PLCB4: variants seen among roughly 807,000 people sequenced by gnomAD.
PLCB4 encodes the protein phospholipase C beta 4, also known as 1-phosphatidylinositol 4,5-bisphosphate phosphodiesterase beta-4.
A neutral mutation model predicts 178.8 loss-of-function variants in PLCB4; 77 were observed. The observed-to-expected ratio is 0.43, with a 90% CI of 0.36 to 0.52. The LOEUF is 0.52. Ranked by LOEUF, PLCB4 falls within the 20% of genes least tolerant of loss-of-function variation. The probability of loss-of-function intolerance (pLI) is 0.00; values close to 1 mark genes in which losing one functional copy is unlikely to be tolerated. For missense variants in PLCB4, 1,024 were observed against 1,453.4 expected (o/e 0.70, Z 4.80); for synonymous variants, 496 against 490.8 (o/e 1.01, Z -0.14).
chr20:9,475,429 T>C (rs75088528), intron 38 of PLCB4, among the ~76,000 whole-genome samples: 1 of 152,164 alleles, frequency 6.6e-6, no homozygotes, highest in Non-Finnish European at 1.5e-5. Flanking sequence ...CTGTATTGAT[T>C]AGATTGTATT....
intron 2 of PLCB4, among the ~76,000 whole-genome samples, chr20:9,177,150 G>A (rs1008037919): frequency 2.0e-5 from 3 of 152,060 alleles, no homozygotes; most frequent in Admixed American, 2.0e-4. Flanking sequence ...TTATACACAG[G>A]TCATTGTGAC....
chr20:9,323,213 TCTC>T (rs2029862402), intron 4 of PLCB4, among the ~76,000 whole-genome samples: 1 of 152,234 alleles, frequency 6.6e-6, no homozygotes, highest in Admixed American at 6.5e-5. Context: ...TCTGGACTAC[TCTC>T]CTCTGTACAG....
chr20:9,347,956 G>A (rs1343798360), intron 7 of PLCB4, among the ~76,000 whole-genome samples: 1 of 152,192 alleles, frequency 6.6e-6, no homozygotes, highest in Non-Finnish European at 1.5e-5. Flanking sequence ...CGTGGCAACA[G>A]AGTGAGACTC....
At chr20:9,084,376 A>G (rs1186381580) in intron 1 of PLCB4, among the ~76,000 whole-genome samples, 2 of 152,224 alleles carry the variant, frequency 1.3e-5, no homozygotes, top group South Asian at 2.1e-4. Flanking sequence ...TTTTTCTGCT[A>G]TCAATGTAAG....
chr20:9,141,999 G>A (rs372989997), intron 2 of PLCB4, among the ~76,000 whole-genome samples: 1 of 152,098 alleles, frequency 6.6e-6, no homozygotes, highest in Non-Finnish European at 1.5e-5. Flanking sequence ...GTTAGGGAGT[G>A]GAGGGCTATG....
chr20:9,374,602 A>T (rs887921683), intron 12 of PLCB4, among the ~76,000 whole-genome samples: 1 of 152,126 alleles, frequency 6.6e-6, no homozygotes, highest in African/African-American at 2.4e-5. Context: ...TTCCAAGACA[A>T]GGCCTCTTGT....
At chr20:9,186,463 A>C (rs1276399517) in intron 2 of PLCB4, among the ~76,000 whole-genome samples, 1 of 152,208 alleles carries the variant, frequency 6.6e-6, no homozygotes. Context: ...AAAAATAATC[A>C]TGTACTTTTA....
chr20:9,379,937 G>A, intron 12 of PLCB4, 117 bp from the exon 13 acceptor site: 1 of 565,834 alleles, frequency 1.8e-6, no homozygotes, highest in South Asian at 2.4e-5. Context: ...TCCTATCTTT[G>A]TAATTATAAA....
intron 2 of PLCB4, among the ~76,000 whole-genome samples, chr20:9,197,841 G>C (rs774300801): frequency 9.9e-5 from 15 of 152,222 alleles, no homozygotes; most frequent in Admixed American, 6.5e-5. Context: ...TGGGCATGGT[G>C]GTGGGCATCT....
Position 9,400,000 on chromosome 20 carries a change from A to G in PLCB4, c.1511-1490A>G, listed in dbSNP as rs534307228. ...TATCTCTGCATCTAGTTCCTCGTTT[A>G]TAAGTAAAGACAGATGCTGGATTAG... On this transcript the variant is annotated intron_variant, in intron 19 of 39. Coordinates refer to ENST00000378473, the MANE Select transcript of PLCB4 (RefSeq NM_001377142.1). 2.6e-5 allele frequency among the ~76,000 whole-genome samples: 4 copies of G among 152,322 alleles called. No individual in the cohort carries two copies. The South Asian group carries it at 6.2e-4, about 24-fold the overall frequency.
intron 11 of PLCB4, 127 bp downstream of exon 11, chr20:9,372,530 A>C (rs1260252573): frequency 1.9e-5 from 10 of 540,208 alleles, no homozygotes; most frequent in Non-Finnish European, 3.3e-5. Context: ...TCAGGGTTAC[A>C]TTTTTAACCC....
intron 4 of PLCB4, among the ~76,000 whole-genome samples, chr20:9,314,871 A>G (rs2094881110): frequency 6.7e-6 from 1 of 149,894 alleles, no homozygotes; most frequent in South Asian, 2.1e-4. Context: ...AGGGTAGAGG[A>G]ATTTTTTTTT....
chr20:9,104,664 A>G (rs1475607606), intron 2 of PLCB4, among the ~76,000 whole-genome samples: 2 of 152,102 alleles, frequency 1.3e-5, no homozygotes, highest in African/African-American at 4.8e-5. Context: ...TCTTTAGTAT[A>G]CCCTGCGTTT....
intron 2 of PLCB4, among the ~76,000 whole-genome samples, chr20:9,162,842 A>G (rs937165775): frequency 4.6e-5 from 7 of 152,170 alleles, no homozygotes; most frequent in Non-Finnish European, 8.8e-5. Flanking sequence ...AAAAATGTTT[A>G]TAGTCTTACT....
intron 39 of PLCB4, 98 bp downstream of exon 39, chr20:9,476,851 A>T: frequency 2.5e-6 from 2 of 786,606 alleles, no homozygotes; most frequent in Non-Finnish European, 4.4e-6. Flanking sequence ...TCTGGTCATA[A>T]CTAATATCTG....
intron 4 of PLCB4, among the ~76,000 whole-genome samples, chr20:9,312,188 C>T (rs2094842340): frequency 1.3e-5 from 2 of 152,118 alleles, no homozygotes; most frequent in South Asian, 4.1e-4. Context: ...CTCACCTCAG[C>T]CACTGACCTC....
intron 9 of PLCB4, among the ~76,000 whole-genome samples, chr20:9,366,034 A>G (rs1465006273): frequency 6.6e-6 from 1 of 152,066 alleles, no homozygotes. Context: ...AACTGACACC[A>G]CACACTCTGT....
At chr20:9,088,186 T>C (rs200716257) in intron 1 of PLCB4, among the ~76,000 whole-genome samples, 2 of 119,530 alleles carry the variant, frequency 1.7e-5, no homozygotes, top group African/African-American at 5.7e-5. Flanking sequence ...TTCTTTTTTT[T>C]TTTTTTTTTT....
At chr20:9,304,702 C>G (rs895487127) in intron 3 of PLCB4, among the ~76,000 whole-genome samples, 2 of 152,208 alleles carry the variant, frequency 1.3e-5, no homozygotes. Context: ...TGCGTGCTCA[C>G]ATGCTTAGAT....
Sources: allele counts gnomAD v4.1 joint callset (sites outside exome capture counted in the v4.1 genomes callset), GRCh38; gene constraint gnomAD v4.1.1; transcripts MANE v1.5; gene names NCBI Gene and HGNC (gene_info 2026-07-23, HGNC 2026-07-21).